NEO1: variants seen among roughly 807,000 people sequenced by gnomAD.
NEO1 encodes the protein neogenin 1.
In NEO1, 63 loss-of-function variants were observed where a neutral mutation model predicts 159.7. The observed-to-expected ratio is 0.39, with a 90% confidence interval of 0.32 to 0.49. The LOEUF (loss-of-function observed/expected upper bound fraction) is 0.49, where lower values mean the gene tolerates loss of function less well. NEO1 is among the 20% of genes least tolerant of loss of function. The pLI is 0.85. For missense variants in NEO1, 1,615 were observed against 1,831.0 expected, an observed-to-expected ratio of 0.88 and a Z score of 2.15; for synonymous variants, 633 against 662.0, an observed-to-expected ratio of 0.96 and a Z score of 0.67.
rs2071561072 is a variant in NEO1, at chr15:73,120,191, A to ATATT, written c.449-2332_449-2329dup. On this transcript the variant is annotated intron_variant, in intron 2 of 28. Transcript: ENST00000261908. ...AATTTAATTTAATTAAAATAGAACCATATTTTGGTTTTATTGATTAAGATT... is the reference window on the plus strand; with the variant it reads ...AATTTAATTTAATTAAAATAGAACCATATTTATTTTGGTTTTATTGATTAAGATT... Among the ~76,000 whole-genome samples the ATATT allele has an allele frequency of 2.6e-5, 4 of 151,858 alleles. No homozygotes were observed. In the South Asian group the frequency reaches 6.2e-4, roughly 24 times the overall value.
intron 2 of NEO1, among the ~76,000 whole-genome samples, chr15:73,119,159 G>A (rs778269480): frequency 7.2e-5 from 11 of 152,086 alleles, no homozygotes; most frequent in Non-Finnish European, 1.6e-4. Flanking sequence ...ATTTCTTCCC[G>A]GAATGATGAA....
At chr15:73,130,119 A>G (rs1034400278) in intron 4 of NEO1, among the ~76,000 whole-genome samples, 1 of 152,156 alleles carries the variant, frequency 6.6e-6, no homozygotes. Flanking sequence ...GATTATAGGC[A>G]TGTGTCACCA....
rs557423663 is a variant in NEO1, at chr15:73,244,325, C to G, written c.1452-19C>G. 6.2e-7 allele frequency: 1 copy of G among 1,606,964 alleles called. No individual in the cohort carries two copies. Among genetic ancestry groups the G allele is most frequent in the Admixed American group, 1.7e-5 (1 of 59,170 alleles). On this transcript the variant is annotated intron_variant, in intron 8 of 28. Transcript: ENST00000261908. Reference sequence around the variant, plus strand: ...TATTCCTAATTAATGCTATCTCTCTCCAAATCCTTTGTCTAAAGGGAACGT... The same window carrying G: ...TATTCCTAATTAATGCTATCTCTCTGCAAATCCTTTGTCTAAAGGGAACGT...
chr15:73,241,111 T>A (rs982960314), intron 8 of NEO1, among the ~76,000 whole-genome samples: 2 of 152,204 alleles, frequency 1.3e-5, no homozygotes, highest in African/African-American at 4.8e-5. Flanking sequence ...GTAATTCTTA[T>A]GGGTACCTGA....
intron 1 of NEO1, among the ~76,000 whole-genome samples, chr15:73,086,743 G>A (rs1449787308): frequency 2.1e-5 from 3 of 145,744 alleles, no homozygotes; most frequent in South Asian, 2.2e-4. Context: ...GCAGTGGCGC[G>A]ATCTTGATTC....
intron 24 of NEO1, 58 bp downstream of exon 24, chr15:73,288,609 C>A: frequency 5.1e-6 from 6 of 1,177,354 alleles, no homozygotes; most frequent in South Asian, 1.5e-5. Context: ...TCATTTAAAT[C>A]TTTTTTTTTT....
intron 9 of NEO1, among the ~76,000 whole-genome samples, 185 bp downstream of exon 9, chr15:73,244,683 G>C (rs1329508256): frequency 6.6e-6 from 1 of 152,016 alleles, no homozygotes; most frequent in African/African-American, 2.4e-5. Flanking sequence ...GGGTGTAGTG[G>C]CTCATGCCTG....
At chr15:73,108,291 T>G (rs2070791709) in intron 1 of NEO1, among the ~76,000 whole-genome samples, 1 of 152,212 alleles carries the variant, frequency 6.6e-6, no homozygotes, top group African/African-American at 2.4e-5. Context: ...ACATTGCCCC[T>G]TGTCTTCTTG....
At chr15:73,278,760 G>A (rs2041535695) in intron 22 of NEO1, among the ~76,000 whole-genome samples, 1 of 152,182 alleles carries the variant, frequency 6.6e-6, no homozygotes, top group African/African-American at 2.4e-5. Flanking sequence ...AACAGATACC[G>A]TTATTCCCGT....
intron 1 of NEO1, among the ~76,000 whole-genome samples, chr15:73,114,349 A>C (rs1368805507): frequency 6.6e-6 from 1 of 152,164 alleles, no homozygotes; most frequent in African/African-American, 2.4e-5. Context: ...TTCTTTGTAA[A>C]AGGCAACGGC....
Position 73,288,449 on chromosome 15 carries a change from C to G in NEO1, c.3547C>G (p.Pro1183Ala). The G allele has an allele frequency of 6.2e-7, 1 of 1,614,088 alleles. No individual in the cohort carries two copies. The highest frequency in any genetic ancestry group is 1.1e-5 in the South Asian group (1 of 91,074). ...KPIDKSPDPN[P>A]IMTDTPIPRN... ...CATTGATAAGTCTCCAGACCCAAAC[C>G]CCATCATGACTGATACTCCAATTCC... The change falls in exon 24 of 29, where the codon CCC becomes GCC. Residue 1183 changes from proline (P) to alanine (A), a missense_variant. Transcript: ENST00000261908.
chr15:73,142,851 C>A (rs1351822612), intron 5 of NEO1, among the ~76,000 whole-genome samples: 1 of 152,116 alleles, frequency 6.6e-6, no homozygotes, highest in African/African-American at 2.4e-5. Context: ...ATTCTTATAA[C>A]CTCCCCCCAC....
At chr15:73,216,724 A>G (rs1454829255) in intron 7 of NEO1, among the ~76,000 whole-genome samples, 1 of 152,130 alleles carries the variant, frequency 6.6e-6, no homozygotes. Flanking sequence ...GGCTGCATAA[A>G]TGTCTTCTTT....
intron 1 of NEO1, among the ~76,000 whole-genome samples, chr15:73,090,810 A>G (rs2069645482): frequency 1.3e-5 from 2 of 152,172 alleles, no homozygotes; most frequent in South Asian, 4.1e-4. Context: ...CAGAGCATAT[A>G]GTTTCATATT....
intron 1 of NEO1, among the ~76,000 whole-genome samples, chr15:73,078,598 A>G (rs567686740): frequency 6.6e-5 from 10 of 152,360 alleles, no homozygotes; most frequent in Middle Eastern, 3.4e-3. Flanking sequence ...TTTTAGGGAC[A>G]CTGAGGTGTA....
rs556660377 is a variant in NEO1 at position 73,218,495 on chromosome 15, G to C, written c.1292-17852G>C. On this transcript the variant is annotated intron_variant, in intron 7 of 28. Transcript: ENST00000261908. ...TGTATTGATTGGAATAGTTTCAGAAGGAATGGTACCAGTTCCTCCTTGTAC... is the reference window on the plus strand; with the variant it reads ...TGTATTGATTGGAATAGTTTCAGAACGAATGGTACCAGTTCCTCCTTGTAC... 4.6e-5 allele frequency among the ~76,000 whole-genome samples: 7 copies of C among 152,194 alleles called. No homozygotes were observed. In the East Asian group the frequency reaches 1.4e-3, roughly 29 times the overall value.
intron 7 of NEO1, among the ~76,000 whole-genome samples, chr15:73,228,489 A>G (rs935404652): frequency 2.0e-5 from 3 of 148,396 alleles, no homozygotes; most frequent in African/African-American, 7.5e-5. Context: ...TATCAGATAC[A>G]TGATTTGGAA....
At chr15:73,134,211 A>G (rs2031480222) in intron 4 of NEO1, among the ~76,000 whole-genome samples, 1 of 152,174 alleles carries the variant, frequency 6.6e-6, no homozygotes, top group Non-Finnish European at 1.5e-5. Context: ...TTCCTGCTCT[A>G]TTCCATTATA....
intron 7 of NEO1, among the ~76,000 whole-genome samples, chr15:73,194,213 ACC>A (rs1052219371): frequency 6.6e-6 from 1 of 152,204 alleles, no homozygotes; most frequent in African/African-American, 2.4e-5. Flanking sequence ...AATCTGTCCT[ACC>A]ATTTAGAAGG....
Sources: allele counts gnomAD v4.1 joint callset (sites outside exome capture counted in the v4.1 genomes callset), GRCh38; gene constraint gnomAD v4.1.1; transcripts MANE v1.5; gene names NCBI Gene and HGNC (gene_info 2026-07-23, HGNC 2026-07-21).